The following MLLT10 variants were observed in gnomAD, a reference collection of about 807,000 sequenced individuals.
The protein encoded by MLLT10 is MLLT10 histone lysine methyltransferase DOT1L cofactor.
A neutral mutation model predicts 129.1 loss-of-function variants in MLLT10; 30 were observed. The observed-to-expected ratio is 0.23, with a 90% CI of 0.17 to 0.32. The LOEUF (loss-of-function observed/expected upper bound fraction) is 0.32. MLLT10 is among the 10% of genes least tolerant of loss of function. The pLI is 1.00. For synonymous variants in MLLT10, 490 were observed against 446.4 expected (o/e 1.10, Z -1.23); for missense variants, 1,119 against 1,268.3 (o/e 0.88, Z 1.79).
intron 3 of MLLT10, among the ~76,000 whole-genome samples, chr10:21,561,355 G>C (rs539947352): frequency 1.3e-5 from 2 of 152,104 alleles, no homozygotes; most frequent in Admixed American, 6.5e-5. Context: ...CTGCCTCCTG[G>C]GTTCAAGCGA....
intron 4 of MLLT10, 92 bp downstream of exon 4, chr10:21,586,440 A>G: frequency 1.0e-6 from 1 of 1,004,358 alleles, no homozygotes; most frequent in Non-Finnish European, 1.5e-6. Flanking sequence ...ATTTTATCAA[A>G]TTAAACAGCG....
chr10:21,574,594 G>A (rs1265131713), intron 3 of MLLT10, among the ~76,000 whole-genome samples: 1 of 152,162 alleles, frequency 6.6e-6, no homozygotes, highest in Admixed American at 6.6e-5. Context: ...CCATTTTTAT[G>A]AGTATTTCTT....
chr10:21,690,431 C>T (rs1341748228), intron 13 of MLLT10, among the ~76,000 whole-genome samples: 1 of 151,918 alleles, frequency 6.6e-6, no homozygotes, highest in Non-Finnish European at 1.5e-5. Flanking sequence ...GATTTCCCCC[C>T]AAAAGAACTG....
intron 5 of MLLT10, among the ~76,000 whole-genome samples, chr10:21,597,907 A>T (rs2043168611): frequency 6.6e-6 from 1 of 152,076 alleles, no homozygotes; most frequent in African/African-American, 2.4e-5. Flanking sequence ...TTTTTCCTTG[A>T]TCACTTGGTT....
At chr10:21,659,380 G>A (rs2049937764) in intron 9 of MLLT10, among the ~76,000 whole-genome samples, 1 of 152,126 alleles carries the variant, frequency 6.6e-6, no homozygotes, top group South Asian at 2.1e-4. Context: ...AAAAGTTACT[G>A]TAGAGAAACA....
At chr10:21,595,101 CTTTA>C (rs1347189675) in intron 4 of MLLT10, among the ~76,000 whole-genome samples, 1 of 152,184 alleles carries the variant, frequency 6.6e-6, no homozygotes, top group East Asian at 1.9e-4. Context: ...AAATGTTTCC[CTTTA>C]TTTATGTAAC....
chr10:21,688,613 C>T (rs2053528091), intron 13 of MLLT10: 2 of 1,303,746 alleles, frequency 1.5e-6, no homozygotes, highest in South Asian at 1.3e-5. Flanking sequence ...GAAACCTTCC[C>T]ATACAAACCA....
In MLLT10 at chr10:21,534,747, G is replaced by A. The variant is rs1279371982; in HGVS notation, c.103G>A (p.Ala35Thr). ...CGTTTGCTCAGACGAGAGAGGCTGG[G>A]CCGAGAACCCGCTGGTTTATTGCGA... is the stretch of plus-strand genomic sequence containing the variant. ...CCVCSDERGW[A>T]ENPLVYCDGH... The change falls in exon 2 of 23, where the codon GCC becomes ACC. Residue 35 changes from alanine to threonine, a missense_variant. Coordinates refer to ENST00000307729, the MANE Select transcript of MLLT10 (RefSeq NM_001195626.3). 1 of 1,613,176 alleles carries A rather than the reference G, an allele frequency of 6.2e-7. No individual in the cohort carries two copies. The highest frequency in any genetic ancestry group is 2.2e-5 in the East Asian group (1 of 44,806).
chr10:21,672,436 G>A (rs571408295), intron 10 of MLLT10, among the ~76,000 whole-genome samples: 109 of 152,138 alleles, frequency 7.2e-4, no homozygotes, highest in Middle Eastern at 3.4e-3. Context: ...CTCCTGAGTA[G>A]CTGGGATTAG....
In MLLT10 at chr10:21,592,882, C is replaced by T. The variant is rs1564471004; in HGVS notation, c.296-2449C>T. 3.3e-5 allele frequency among the ~76,000 whole-genome samples: 5 copies of T among 152,190 alleles called. No homozygotes were observed. In the South Asian group the frequency reaches 1.0e-3, roughly 31 times the overall value. On this transcript the variant is annotated intron_variant, in intron 4 of 22. Coordinates refer to ENST00000307729, the MANE Select transcript of MLLT10 (RefSeq NM_001195626.3). ...GGAAAATTTTTAGGTATTATCAATTCAGATAATGCTTTCATGCCATTTTCT... is the reference window on the plus strand; with the variant it reads ...GGAAAATTTTTAGGTATTATCAATTTAGATAATGCTTTCATGCCATTTTCT...
intron 3 of MLLT10, among the ~76,000 whole-genome samples, chr10:21,546,912 G>A (rs1422159722): frequency 1.3e-5 from 2 of 152,024 alleles, no homozygotes; most frequent in Non-Finnish European, 2.9e-5. Flanking sequence ...TAGTAGAGAC[G>A]GGGTTTCTCC....
At chr10:21,715,916 C>T (rs1351320864) in intron 14 of MLLT10, among the ~76,000 whole-genome samples, 2 of 152,150 alleles carry the variant, frequency 1.3e-5, no homozygotes, top group African/African-American at 4.8e-5. Context: ...TACTGAGATA[C>T]CTACATCTAT....
chr10:21,681,790 A>T (rs1351092864), intron 12 of MLLT10, among the ~76,000 whole-genome samples: 1 of 152,022 alleles, frequency 6.6e-6, no homozygotes, highest in Non-Finnish European at 1.5e-5. Flanking sequence ...AGGAAATGAG[A>T]ATATTTGATA....
chr10:21,659,694 A>G (rs1212981967), intron 9 of MLLT10, among the ~76,000 whole-genome samples: 1 of 151,856 alleles, frequency 6.6e-6, no homozygotes, highest in Non-Finnish European at 1.5e-5. Flanking sequence ...TATTTTTAGT[A>G]GAGATAAGGT....
At chr10:21,618,420 G>T (rs1036043721) in intron 8 of MLLT10, among the ~76,000 whole-genome samples, 2 of 151,722 alleles carry the variant, frequency 1.3e-5, no homozygotes, top group African/African-American at 2.4e-5. Context: ...GGAGAATCAC[G>T]CTTGAACCCA....
intron 3 of MLLT10, among the ~76,000 whole-genome samples, chr10:21,566,695 A>G (rs540554225): frequency 7.0e-6 from 1 of 143,086 alleles, no homozygotes; most frequent in South Asian, 2.2e-4. Flanking sequence ...TTGGAATTCC[A>G]TTTTTCTTAT....
intron 9 of MLLT10, among the ~76,000 whole-genome samples, chr10:21,661,390 G>A (rs960567224): frequency 1.3e-5 from 2 of 152,068 alleles, no homozygotes; most frequent in Non-Finnish European, 2.9e-5. Context: ...TTAATTTCTG[G>A]CTGCAGTATC....
chr10:21,562,135 T>C (rs2038897520), intron 3 of MLLT10, among the ~76,000 whole-genome samples: 1 of 152,058 alleles, frequency 6.6e-6, no homozygotes, highest in Non-Finnish European at 1.5e-5. Flanking sequence ...AGCTTTGTAG[T>C]AAGTTTTGAA....
rs185388808 is a variant in MLLT10 at position 21,556,925 on chromosome 10, A to G, written c.240+18013A>G. 364 of 1,549,738 alleles carry G rather than the reference A, an allele frequency of 2.3e-4. 2 individuals carry two copies. The highest frequency in any genetic ancestry group is 4.1e-4 in the Admixed American group (21 of 50,684). On this transcript the variant is annotated intron_variant, in intron 3 of 22. Coordinates refer to ENST00000307729, the MANE Select transcript of MLLT10 (RefSeq NM_001195626.3). The stretch of plus-strand genomic sequence containing the variant: ...TATCTCAGTTGTCATTTGGCGTTTC[A>G]AGAAGGAGAGGTGGTAGTGTTTAAG...
Sources: gnomAD v4.1 joint callset for allele counts (sites outside exome capture counted in the v4.1 genomes callset) on GRCh38, gnomAD v4.1.1 for gene constraint, MANE v1.5 for transcripts, NCBI Gene and HGNC (gene_info 2026-07-23, HGNC 2026-07-21) for gene names.